GNAS-AS1: variants seen among roughly 807,000 people sequenced by gnomAD.
The protein encoded by GNAS-AS1 is GNAS antisense RNA 1.
In GNAS-AS1 at chr20:58,850,797, T is replaced by C. The variant is rs896347854; in HGVS notation, n.107A>G. ...ATGAGGAAGAGTGACCCCACGGCGC[T>C]AGCGGTCCTCGTGGTCTTCCAGGCC... is the stretch of plus-strand genomic sequence containing the variant. On this transcript the variant is annotated non_coding_transcript_exon_variant, in exon 1 of 5. Coordinates refer to ENST00000424094, the Ensembl canonical transcript of GNAS-AS1. 7.5e-6 allele frequency: 3 copies of C among 398,690 alleles called. No homozygotes were observed. In the Admixed American group the frequency reaches 1.3e-4, roughly 18 times the overall value. The allele number at this position is 398,690 out of a possible 1,614,324, so 24.7% of individuals were successfully genotyped here.
At chr20:58,831,558 G>A (rs1162748840) in intron 4 of GNAS-AS1, among the ~76,000 whole-genome samples, 3 of 152,260 alleles carry the variant, frequency 2.0e-5, no homozygotes, top group African/African-American at 4.8e-5. Flanking sequence ...ATGAACCGGG[G>A]AGGTGGAGCT....
At chr20:58,820,460 A>G (rs575871792) in intron 4 of GNAS-AS1, among the ~76,000 whole-genome samples, 74 of 152,340 alleles carry the variant, frequency 4.9e-4, no homozygotes, top group Non-Finnish European at 2.4e-4. Flanking sequence ...AGCTCTGACT[A>G]TAGGCTGAGT....
chr20:58,838,684 G>A (rs549311760), intron 4 of GNAS-AS1: 5 of 232,414 alleles, frequency 2.2e-5, no homozygotes, highest in South Asian at 1.8e-4. Context: ...TTGGGAGGCC[G>A]AGGCGGGCGG....
chr20:58,824,379 C>T (rs2085506269), intron 4 of GNAS-AS1, among the ~76,000 whole-genome samples: 1 of 152,220 alleles, frequency 6.6e-6, no homozygotes, highest in Admixed American at 6.5e-5. Context: ...CTAATATGTG[C>T]TAAGAACTCT....
intron 4 of GNAS-AS1, among the ~76,000 whole-genome samples, chr20:58,829,011 T>C (rs1465918199): frequency 6.8e-6 from 1 of 148,054 alleles, no homozygotes; most frequent in Non-Finnish European, 1.5e-5. Flanking sequence ...CCACTCAACA[T>C]GGCAGAGCTC....
Position 58,840,405 on chromosome 20 carries a change from G to T in GNAS-AS1, n.819+1532C>A. ...GACCTTGAGCTGTCCCTCCCCGAGT[G>T]CCTAGAGTACGAGGAAGAGTTCGAC... On this transcript the variant is annotated intron_variant and non_coding_transcript_variant, in intron 4 of 4. Coordinates refer to ENST00000424094, the Ensembl canonical transcript of GNAS-AS1. The surrounding 1 kb of genome is among the most constrained non-coding windows in gnomAD (Gnocchi z 6.0). 1 of 1,613,534 alleles carries T rather than the reference G, an allele frequency of 6.2e-7. No homozygotes were observed. The highest frequency in any genetic ancestry group is 8.5e-7 in the Non-Finnish European group (1 of 1,179,948).
intron 4 of GNAS-AS1, among the ~76,000 whole-genome samples, chr20:58,833,352 G>T (rs770006426): frequency 2.6e-5 from 4 of 152,218 alleles, no homozygotes; most frequent in Non-Finnish European, 5.9e-5. Context: ...ACTTTTAGCC[G>T]AAACAATGGA....
intron 4 of GNAS-AS1, among the ~76,000 whole-genome samples, chr20:58,835,956 C>T (rs2085599952): frequency 6.6e-6 from 1 of 152,190 alleles, no homozygotes; most frequent in Non-Finnish European, 1.5e-5. Context: ...CCACAGGCCG[C>T]TGGGTCCATT....
intron 2 of GNAS-AS1, among the ~76,000 whole-genome samples, chr20:58,843,763 G>A (rs555763097): frequency 1.3e-5 from 2 of 152,296 alleles, no homozygotes; most frequent in South Asian, 4.1e-4. Context: ...TTGCTTTTGT[G>A]GGGGAGGGGA....
Position 58,825,046 on chromosome 20 carries a change from C to T in GNAS-AS1, n.820-5791G>A, listed in dbSNP as rs111682713. ...AGCTCTACCGACTGTCTCTTGGCTG[C>T]GTCCGCAAACATAAACACGTGAAGT... On this transcript the variant is annotated intron_variant and non_coding_transcript_variant, in intron 4 of 4. Coordinates refer to ENST00000424094, the Ensembl canonical transcript of GNAS-AS1. 7.2e-4 allele frequency among the ~76,000 whole-genome samples: 110 copies of T among 152,286 alleles called. 1 individual carries two copies. The highest frequency in any genetic ancestry group is 2.5e-3 in the African/African-American group (102 of 41,566).
At position 58,819,881 on chromosome 20, in the gene GNAS-AS1, T is replaced by C. The variant is rs559197994; in HGVS notation, n.820-626A>G. Among the ~76,000 whole-genome samples, 9 of 152,162 alleles carry C rather than the reference T, an allele frequency of 5.9e-5. No homozygotes were observed. In the South Asian group the frequency reaches 1.9e-3, roughly 32 times the overall value. On this transcript the variant is annotated intron_variant and non_coding_transcript_variant, in intron 4 of 4. Coordinates refer to ENST00000424094, the Ensembl canonical transcript of GNAS-AS1. ...CACACAGGTGACCACGACCTCAGTG[T>C]GAGGTAGAACAGCTGGGACCCGGAC...
At chr20:58,838,149 G>A (rs1600650471) in intron 4 of GNAS-AS1, among the ~76,000 whole-genome samples, 1 of 152,190 alleles carries the variant, frequency 6.6e-6, no homozygotes, top group Non-Finnish European at 1.5e-5. Context: ...TTTGCTCTGA[G>A]TTGTTTCGCC....
intron 4 of GNAS-AS1, among the ~76,000 whole-genome samples, chr20:58,835,787 T>C (rs534722875): frequency 2.0e-5 from 3 of 152,364 alleles, no homozygotes; most frequent in African/African-American, 2.4e-5. Flanking sequence ...TTATGATTGC[T>C]AAATAGCCAA....
At chr20:58,825,397 G>C (rs972461491) in intron 4 of GNAS-AS1, among the ~76,000 whole-genome samples, 29 of 152,324 alleles carry the variant, frequency 1.9e-4, no homozygotes, top group Non-Finnish European at 3.7e-4. Context: ...ACAGGATCAA[G>C]GAGGTGCTCA....
chr20:58,825,901 G>A, intron 4 of GNAS-AS1: 1 of 388,216 alleles, frequency 2.6e-6, no homozygotes, highest in Non-Finnish European at 4.5e-6. Flanking sequence ...CCCTGCCACT[G>A]CTGCTGCTGC....
chr20:58,842,153 C>A, exon 4 of GNAS-AS1: 1 of 398,852 alleles, frequency 2.5e-6, no homozygotes, highest in Non-Finnish European at 4.4e-6. Flanking sequence ...GATGACCCAG[C>A]ACAAAAACGG....
At chr20:58,828,781 C>T (rs1416810833) in intron 4 of GNAS-AS1, among the ~76,000 whole-genome samples, 2 of 152,232 alleles carry the variant, frequency 1.3e-5, no homozygotes, top group African/African-American at 4.8e-5. Context: ...CCTAAAGGCA[C>T]CTTGTTCTCA....
At chr20:58,824,395 G>A (rs2085506380) in intron 4 of GNAS-AS1, among the ~76,000 whole-genome samples, 1 of 152,180 alleles carries the variant, frequency 6.6e-6, no homozygotes, top group Non-Finnish European at 1.5e-5. Flanking sequence ...ACTCTTCTGA[G>A]GGTTCTTAAT....
At chr20:58,830,963 G>A (rs1026929856) in intron 4 of GNAS-AS1, among the ~76,000 whole-genome samples, 1 of 151,952 alleles carries the variant, frequency 6.6e-6, no homozygotes, top group South Asian at 2.1e-4. Context: ...GATATAAAAC[G>A]AGGGTGCCCC....
Sources: allele counts gnomAD v4.1 joint callset (sites outside exome capture counted in the v4.1 genomes callset), GRCh38; gene constraint gnomAD v4.1.1; non-coding constraint Gnocchi (gnomAD v3.1); transcripts MANE v1.5; gene names NCBI Gene and HGNC (gene_info 2026-07-23, HGNC 2026-07-21).